The following TMEM232 variants were observed in gnomAD, a reference collection of about 807,000 sequenced individuals.
The protein encoded by TMEM232 is transmembrane protein 232.
TMEM232 carries 80 observed loss-of-function variants against 78.8 expected under a neutral mutation model. The ratio of observed to expected loss-of-function variants is 1.01; its 90% confidence interval spans 0.85 to 1.22. The LOEUF is 1.22. Among genes scored for constraint, TMEM232 ranks in the 50% most tolerant of loss-of-function variants. The pLI, the probability that TMEM232 is intolerant of heterozygous loss-of-function variation, is 0.00. For synonymous variants in TMEM232, 297 were observed against 254.3 expected (o/e 1.17, Z -1.60); for missense variants, 881 against 742.2 (o/e 1.19, Z -2.17).
chr5:110,620,298 G>A (rs962562359), intron 7 of TMEM232, among the ~76,000 whole-genome samples: 1 of 152,112 alleles, frequency 6.6e-6, no homozygotes, highest in Admixed American at 6.6e-5. Context: ...TCACAAGATA[G>A]CAATTTTGGA....
chr5:110,716,544 G>T (rs1164105573), intron 1 of TMEM232, among the ~76,000 whole-genome samples: 1 of 152,098 alleles, frequency 6.6e-6, no homozygotes, highest in Non-Finnish European at 1.5e-5. Context: ...GTTCACAATA[G>T]AGTTTGCACT....
chr5:110,533,333 A>G (rs1771834513), intron 11 of TMEM232, among the ~76,000 whole-genome samples: 1 of 152,090 alleles, frequency 6.6e-6, no homozygotes, highest in South Asian at 2.1e-4. Context: ...TAATCTCCCA[A>G]ACCTCAATCC....
chr5:110,627,944 G>A, intron 5 of TMEM232, 64 bp from the exon 6 acceptor site: 5 of 1,090,962 alleles, frequency 4.6e-6, no homozygotes, highest in African/African-American at 1.7e-5. Flanking sequence ...AAAACCATAA[G>A]AAAAATCAAC....
intron 5 of TMEM232, 116 bp from the exon 6 acceptor site, chr5:110,627,996 C>T (rs1334631460): frequency 1.3e-6 from 1 of 744,880 alleles, no homozygotes; most frequent in African/African-American, 1.8e-5. Flanking sequence ...CAATTTTAAA[C>T]TCACTCAATA....
intron 12 of TMEM232, among the ~76,000 whole-genome samples, chr5:110,498,732 AG>A (rs1765891568): frequency 6.6e-6 from 1 of 152,160 alleles, no homozygotes; most frequent in South Asian, 2.1e-4. Context: ...TAGGTGTCAG[AG>A]AAGTTTGTGT....
intron 1 of TMEM232, among the ~76,000 whole-genome samples, chr5:110,670,158 A>C (rs1791165166): frequency 6.6e-6 from 1 of 152,188 alleles, no homozygotes; most frequent in Non-Finnish European, 1.5e-5. Flanking sequence ...AAAGAAATAA[A>C]GGGTATTCAA....
rs114388948 is a variant in TMEM232 at position 110,558,431 on chromosome 5, G to A, written c.1455+10016C>T. On this transcript the variant is annotated intron_variant, in intron 11 of 13. Transcript: ENST00000455884. ...GGGAAGGCTATAAGTGGGTGTTACT[G>A]GAAGCCCATCTGCAGAACTCTCCAA... 2.7e-3 allele frequency among the ~76,000 whole-genome samples: 416 copies of A among 152,192 alleles called. 2 individuals are homozygous for A. Among genetic ancestry groups the A allele is most frequent in the African/African-American group, 9.8e-3 (405 of 41,536 alleles).
intron 1 of TMEM232, among the ~76,000 whole-genome samples, chr5:110,688,680 T>C (rs903486454): frequency 8.5e-5 from 13 of 152,210 alleles, no homozygotes; most frequent in Non-Finnish European, 1.8e-4. Flanking sequence ...GCTTTGTTGA[T>C]GCATGAGCAC....
intron 10 of TMEM232, among the ~76,000 whole-genome samples, chr5:110,579,621 T>A (rs554250366): frequency 8.3e-4 from 126 of 151,784 alleles, no homozygotes; most frequent in African/African-American, 3.0e-3. Context: ...CAAAATAGAT[T>A]GTTGTATTTT....
At chr5:110,404,912 C>G (rs1755729631) in intron 2 of TMEM232, among the ~76,000 whole-genome samples, 1 of 151,950 alleles carries the variant, frequency 6.6e-6, no homozygotes, top group Non-Finnish European at 1.5e-5. Flanking sequence ...TTAGATGACA[C>G]AGTGATGGCA....
At chr5:110,536,075 T>C (rs748467151) in intron 11 of TMEM232, among the ~76,000 whole-genome samples, 7 of 152,222 alleles carry the variant, frequency 4.6e-5, no homozygotes, top group Non-Finnish European at 1.0e-4. Context: ...TCCTTTCCCC[T>C]TTTGCTATCT....
At chr5:110,647,009 A>C (rs1787592826) in intron 2 of TMEM232, among the ~76,000 whole-genome samples, 1 of 151,522 alleles carries the variant, frequency 6.6e-6, no homozygotes, top group Admixed American at 6.6e-5. Flanking sequence ...ATATATTACT[A>C]TGGTATACTG....
chr5:110,443,718 C>T (rs1759315350), intron 12 of TMEM232, among the ~76,000 whole-genome samples: 1 of 152,192 alleles, frequency 6.6e-6, no homozygotes, highest in African/African-American at 2.4e-5. Context: ...GTCAACTTAT[C>T]TCAGAGCCAA....
intron 12 of TMEM232, among the ~76,000 whole-genome samples, chr5:110,442,631 ATTTAG>A (rs1759190685): frequency 6.6e-6 from 1 of 151,862 alleles, no homozygotes; most frequent in Non-Finnish European, 1.5e-5. Flanking sequence ...TTGGTAACTT[ATTTAG>A]TTTGTTTGCT....
intron 1 of TMEM232, among the ~76,000 whole-genome samples, chr5:110,675,300 C>G (rs1349656992): frequency 1.3e-5 from 2 of 152,114 alleles, no homozygotes; most frequent in Non-Finnish European, 2.9e-5. Flanking sequence ...CTGCCTCAGC[C>G]TCCCAAAGTG....
chr5:110,568,279 C>T (rs561047781), intron 11 of TMEM232, among the ~76,000 whole-genome samples, 168 bp downstream of exon 11: 24 of 151,990 alleles, frequency 1.6e-4, no homozygotes, highest in African/African-American at 5.5e-4. Flanking sequence ...GCTCAACTCT[C>T]CTATCTTTAA....
intron 11 of TMEM232, among the ~76,000 whole-genome samples, chr5:110,532,398 C>T (rs1430421874): frequency 2.0e-5 from 3 of 151,580 alleles, no homozygotes; most frequent in South Asian, 2.1e-4. Context: ...AAGGTAAGTC[C>T]GTCCCCTTCT....
intron 2 of TMEM232, among the ~76,000 whole-genome samples, chr5:110,408,803 C>T (rs1755887233): frequency 6.6e-6 from 1 of 151,990 alleles, no homozygotes; most frequent in Non-Finnish European, 1.5e-5. Context: ...CAGTATTTCA[C>T]TTGTTCTTTT....
chr5:110,488,407 TA>T (rs1353777829), intron 12 of TMEM232, among the ~76,000 whole-genome samples: 1 of 151,896 alleles, frequency 6.6e-6, no homozygotes, highest in African/African-American at 2.4e-5. Flanking sequence ...AGAATAAAAT[TA>T]GAAATAAATA....
Sources: gnomAD v4.1 joint callset for allele counts (sites outside exome capture counted in the v4.1 genomes callset) on GRCh38, gnomAD v4.1.1 for gene constraint, MANE v1.5 for transcripts, NCBI Gene and HGNC (gene_info 2026-07-23, HGNC 2026-07-21) for gene names.